The following ABRAXAS2 variants were observed in gnomAD, a reference collection of about 807,000 sequenced individuals.
ABRAXAS2 encodes the protein BRISC complex subunit Abraxas 2.
In ABRAXAS2, 23 loss-of-function variants were observed where a neutral mutation model predicts 49.0. The ratio of observed to expected loss-of-function variants is 0.47; its 90% CI spans 0.34 to 0.66. ABRAXAS2 has a LOEUF of 0.66. Among genes scored for constraint, ABRAXAS2 ranks in the 30% least tolerant of loss-of-function variants. ABRAXAS2 has a pLI of 0.01. For missense variants in ABRAXAS2, 443 were observed against 511.9 expected, an observed-to-expected ratio of 0.87 and a Z score of 1.30; for synonymous variants, 168 against 180.2, an observed-to-expected ratio of 0.93 and a Z score of 0.54.
At chr10:124,806,142 AC>A (rs1950741336) in intron 1 of ABRAXAS2, among the ~76,000 whole-genome samples, 2 of 151,530 alleles carry the variant, frequency 1.3e-5, no homozygotes, top group African/African-American at 4.8e-5. Context: ...CTACTAAAAT[AC>A]AAAAAAAAAA....
chr10:124,829,285 C>T (rs766713316), intron 6 of ABRAXAS2, 108 bp from the exon 7 acceptor site: 41 of 741,358 alleles, frequency 5.5e-5, no homozygotes, highest in Non-Finnish European at 9.6e-5. Flanking sequence ...ACTGTCACCT[C>T]GGAGTCACAG....
chr10:124,808,770 A>G (rs1950764527), intron 2 of ABRAXAS2, among the ~76,000 whole-genome samples: 1 of 152,192 alleles, frequency 6.6e-6, no homozygotes. Flanking sequence ...TAAAACACAT[A>G]GCGAATCTGG....
At chr10:124,824,419 C>T (rs1024839674) in intron 4 of ABRAXAS2, among the ~76,000 whole-genome samples, 12 of 151,488 alleles carry the variant, frequency 7.9e-5, no homozygotes, top group African/African-American at 2.9e-4. Context: ...ATCCCAGCTA[C>T]TTAGGAGGCT....
intron 1 of ABRAXAS2, among the ~76,000 whole-genome samples, chr10:124,805,381 T>C (rs918893891): frequency 1.3e-5 from 2 of 151,458 alleles, no homozygotes; most frequent in Admixed American, 1.3e-4. Flanking sequence ...CCCACTCCCA[T>C]AGATTCTCAC....
At chr10:124,827,003 A>G (rs1950900711) in intron 5 of ABRAXAS2, among the ~76,000 whole-genome samples, 2 of 151,352 alleles carry the variant, frequency 1.3e-5, no homozygotes, top group South Asian at 4.2e-4. Flanking sequence ...CTGAGGCAGA[A>G]GAATCGCTTG....
intron 4 of ABRAXAS2, among the ~76,000 whole-genome samples, chr10:124,820,013 TATTA>T (rs1380608274): frequency 6.6e-6 from 1 of 152,208 alleles, no homozygotes; most frequent in African/African-American, 2.4e-5. Flanking sequence ...TACCTTGGGA[TATTA>T]ATTCTATAAA....
chr10:124,804,005 T>G (rs1265185917), intron 1 of ABRAXAS2, among the ~76,000 whole-genome samples: 1 of 152,210 alleles, frequency 6.6e-6, no homozygotes, highest in Admixed American at 6.5e-5. Context: ...AAAGGAACAT[T>G]GGCTCAGATA....
chr10:124,804,135 T>TTA (rs1449869013), intron 1 of ABRAXAS2, among the ~76,000 whole-genome samples: 1 of 152,192 alleles, frequency 6.6e-6, no homozygotes, highest in Non-Finnish European at 1.5e-5. Context: ...ACTCCTGGCC[T>TTA]TAAGCGATCT....
chr10:124,811,953 T>A (rs954526668), intron 2 of ABRAXAS2, among the ~76,000 whole-genome samples: 4 of 151,978 alleles, frequency 2.6e-5, no homozygotes, highest in Admixed American at 6.6e-5. Flanking sequence ...AATTTTGTAT[T>A]TTTAGGAGAG....
chr10:124,820,195 A>AATAGGAAGTGTGGAAGC (rs1950853290), intron 4 of ABRAXAS2, among the ~76,000 whole-genome samples: 1 of 152,222 alleles, frequency 6.6e-6, no homozygotes. Flanking sequence ...TAAAAGGAAG[A>AATAGGAAGTGTGGAAGC]ATAGGAAGTG....
chr10:124,806,954 C>G (rs1355351806), intron 2 of ABRAXAS2, 33 bp downstream of exon 2: 2 of 1,388,862 alleles, frequency 1.4e-6, no homozygotes, highest in Non-Finnish European at 2.0e-6. Context: ...TTAGAAATAT[C>G]TTTTTTGTAT....
chr10:124,804,570 A>G (rs80181463), intron 1 of ABRAXAS2, among the ~76,000 whole-genome samples: 8,713 of 151,804 alleles, frequency 0.057, 810 homozygotes, highest in African/African-American at 0.2. Flanking sequence ...AACTGCTTTT[A>G]TGGTGAGAAT....
chr10:124,836,033 T>C lies in ABRAXAS2; in HGVS notation c.*1062T>C, dbSNP rs1435565061. On this transcript the variant is annotated 3_prime_UTR_variant, in exon 9 of 9. Transcript: ENST00000298492. ...CTCTTGGGATGCACTTATATTTTTA[T>C]TTAATGACTACTTGTTTTCTAGTTT... 1 of 152,668 alleles carries C rather than the reference T, an allele frequency of 6.6e-6. No individual in the cohort carries two copies. The highest frequency in any genetic ancestry group is 1.9e-4 in the East Asian group (1 of 5,208). 9.5% of individuals were successfully genotyped at this position (152,668 alleles called of 1,614,324 possible).
At chr10:124,826,847 C>G (rs1358387635) in intron 5 of ABRAXAS2, 62 bp downstream of exon 5, 1 of 1,499,380 alleles carries the variant, frequency 6.7e-7, no homozygotes, top group African/African-American at 1.4e-5. Flanking sequence ...GGCGTGGTGG[C>G]TTACGCCTGT....
chr10:124,805,803 A>G (rs947530106), intron 1 of ABRAXAS2, among the ~76,000 whole-genome samples: 2 of 152,160 alleles, frequency 1.3e-5, no homozygotes, highest in Admixed American at 6.6e-5. Context: ...AAGCCGTGTG[A>G]TATCTGGGGA....
chr10:124,824,041 C>T (rs902998638), intron 4 of ABRAXAS2, among the ~76,000 whole-genome samples: 3 of 152,302 alleles, frequency 2.0e-5, no homozygotes, highest in Admixed American at 6.5e-5. Context: ...CCTCAGCCTC[C>T]TGGGTAGCTA....
intron 2 of ABRAXAS2, among the ~76,000 whole-genome samples, chr10:124,816,325 A>G (rs1950825028): frequency 6.6e-6 from 1 of 152,228 alleles, no homozygotes; most frequent in South Asian, 2.1e-4. Flanking sequence ...CCTAAATAAT[A>G]TCTTTCAGAA....
intron 5 of ABRAXAS2, 80 bp from the exon 6 acceptor site, chr10:124,828,674 CTT>C (rs377051096): frequency 7.4e-4 from 830 of 1,114,690 alleles, no homozygotes; most frequent in South Asian, 1.5e-3. Flanking sequence ...ACACCCAGCC[CTT>C]TTTTTTTTTA....
At chr10:124,813,149 C>T (rs756836318) in intron 2 of ABRAXAS2, among the ~76,000 whole-genome samples, 83 of 151,846 alleles carry the variant, frequency 5.5e-4, no homozygotes, top group East Asian at 5.9e-4. Context: ...TGCAGTGAGT[C>T]GAGATCGTGC....
Sources: gnomAD v4.1 joint callset for allele counts (sites outside exome capture counted in the v4.1 genomes callset) on GRCh38, gnomAD v4.1.1 for gene constraint, MANE v1.5 for transcripts, NCBI Gene and HGNC (gene_info 2026-07-23, HGNC 2026-07-21) for gene names.